The following ABCB5 variants were observed in gnomAD, a reference collection of about 807,000 sequenced individuals.
ABCB5 encodes the protein ATP binding cassette subfamily B member 5, also known as ATP-binding cassette sub-family B member 5.
ABCB5 carries 155 observed loss-of-function variants against 144.2 expected under a neutral mutation model. The observed-to-expected ratio is 1.08, with a 90% CI of 0.94 to 1.23. The LOEUF (loss-of-function observed/expected upper bound fraction) is 1.23. Ranked by LOEUF, ABCB5 falls within the 50% of genes most tolerant of loss-of-function variation. The pLI is 0.00. For synonymous variants in ABCB5, 610 were observed against 528.6 expected (o/e 1.15, Z -2.11); for missense variants, 1,830 against 1,520.8 (o/e 1.20, Z -3.38).
intron 16 of ABCB5, among the ~76,000 whole-genome samples, chr7:20,688,991 T>C (rs1583427298): frequency 6.6e-6 from 1 of 151,562 alleles, no homozygotes; most frequent in African/African-American, 2.4e-5. Context: ...GGGGGAGGGA[T>C]AGCATTAGGA....
chr7:20,668,787 C>A (rs1246117590), intron 14 of ABCB5, among the ~76,000 whole-genome samples: 4,239 of 128,078 alleles, frequency 0.033, 3 homozygotes, highest in Non-Finnish European at 0.048. Context: ...TCTGCCCGGC[C>A]GCCCCTACTG....
At chr7:20,621,736 T>C (rs1054140818) in intron 1 of ABCB5, among the ~76,000 whole-genome samples, 3 of 151,970 alleles carry the variant, frequency 2.0e-5, no homozygotes, top group African/African-American at 7.2e-5. Context: ...GAGAAGGAGG[T>C]GATTTTTAGG....
chr7:20,720,943 C>CAAAAAAAA (rs71020677), intron 20 of ABCB5, among the ~76,000 whole-genome samples: 9 of 71,042 alleles, frequency 1.3e-4, no homozygotes, highest in South Asian at 8.2e-4. Flanking sequence ...AACTCTGCCT[C>CAAAAAAAA]AAAAAAAAAA....
intron 1 of ABCB5, among the ~76,000 whole-genome samples, chr7:20,616,215 T>C (rs530128099): frequency 2.7e-4 from 41 of 152,268 alleles, no homozygotes; most frequent in African/African-American, 8.9e-4. Context: ...TTTTTATTTT[T>C]AGTAGAGATG....
At chr7:20,739,229 G>C in intron 24 of ABCB5, 90 bp downstream of exon 24, 2 of 1,363,816 alleles carry the variant, frequency 1.5e-6, no homozygotes, top group Non-Finnish European at 1.9e-6. Flanking sequence ...AGAGGGGCAA[G>C]GGCTGAAAAA....
intron 23 of ABCB5, among the ~76,000 whole-genome samples, chr7:20,736,207 T>C (rs1472461855): frequency 1.3e-5 from 2 of 152,080 alleles, no homozygotes; most frequent in Non-Finnish European, 2.9e-5. Context: ...TTTTTTTTTC[T>C]TTTTTGTTGT....
At chr7:20,666,635 A>C in intron 14 of ABCB5, 1 of 1,252,174 alleles carries the variant, frequency 8.0e-7, no homozygotes, top group Non-Finnish European at 1.1e-6. Context: ...AGTGTCAAGT[A>C]GAGACCTGTC....
intron 15 of ABCB5, among the ~76,000 whole-genome samples, chr7:20,685,136 G>A (rs947424048): frequency 6.6e-6 from 1 of 152,114 alleles, no homozygotes; most frequent in African/African-American, 2.4e-5. Context: ...CAGGGGTGAC[G>A]ACTGCACCTG....
chr7:20,618,931 T>A lies in ABCB5; in HGVS notation c.-22+3094T>A, dbSNP rs1297367580. 4.0e-5 allele frequency among the ~76,000 whole-genome samples: 6 copies of A among 151,844 alleles called. No homozygotes were observed. The East Asian group carries it at 1.2e-3, about 29-fold the overall frequency. On this transcript the variant is annotated intron_variant, in intron 1 of 27. Coordinates refer to ENST00000404938, the MANE Select transcript of ABCB5 (RefSeq NM_001163941.2). ...CTGAGACTACAGGCATGTACCACCATGGCAGGCTAATTTTTGTACCTTTAG... is the reference window on the plus strand; with the variant it reads ...CTGAGACTACAGGCATGTACCACCAAGGCAGGCTAATTTTTGTACCTTTAG...
intron 16 of ABCB5, among the ~76,000 whole-genome samples, chr7:20,692,279 A>G (rs1420859400): frequency 1.3e-5 from 2 of 152,076 alleles, no homozygotes; most frequent in Non-Finnish European, 2.9e-5. Flanking sequence ...AAAGACAAGA[A>G]AGCTACAAAC....
chr7:20,749,619 T>A (rs569371092), intron 26 of ABCB5, among the ~76,000 whole-genome samples: 6 of 152,136 alleles, frequency 3.9e-5, no homozygotes, highest in African/African-American at 1.4e-4. Context: ...TTAGGGAAGA[T>A]AGGACAAATA....
chr7:20,753,021 T>C (rs1782979510), intron 26 of ABCB5, among the ~76,000 whole-genome samples: 2 of 152,222 alleles, frequency 1.3e-5, no homozygotes, highest in South Asian at 4.1e-4. Flanking sequence ...CTGAAAATAG[T>C]AGGTAGTATA....
chr7:20,713,045 T>C lies in ABCB5; in HGVS notation c.2421+8238T>C. Reference sequence around the variant, plus strand: ...TGTGTGTCCTTTTACCAACATCTTCTCAACCCCCTGAATCCCCATCTCCTA... The same window carrying C: ...TGTGTGTCCTTTTACCAACATCTTCCCAACCCCCTGAATCCCCATCTCCTA... On this transcript the variant is annotated intron_variant, in intron 20 of 27. Coordinates refer to ENST00000404938, the MANE Select transcript of ABCB5 (RefSeq NM_001163941.2). Among the ~76,000 whole-genome samples, 2 of 149,540 alleles carry C rather than the reference T, an allele frequency of 1.3e-5. 1 individual carries two copies. The highest frequency in any genetic ancestry group is 3.0e-5 in the Non-Finnish European group (2 of 67,262).
chr7:20,651,543 C>A lies in ABCB5; in HGVS notation c.1456C>A (p.Arg486=), dbSNP rs773139161. ...CATCAGTAACAATATCAAGTATGGACGAGATGATGTGACTGATGAAGAGAT... is the reference window on the plus strand; with the variant it reads ...CATCAGTAACAATATCAAGTATGGAAGAGATGATGTGACTGATGAAGAGAT... ...TTISNNIKYG[R]DDVTDEEMER... Residue 486 remains arginine (R), a synonymous_variant, in exon 13 of 28, where the codon CGA becomes AGA. Transcript: ENST00000404938. 2 of 1,613,922 alleles carry A rather than the reference C, an allele frequency of 1.2e-6. No individual in the cohort carries two copies. Among genetic ancestry groups the A allele is most frequent in the East Asian group, 2.2e-5 (1 of 44,884 alleles).
At chr7:20,659,394 G>A (rs531432010) in intron 14 of ABCB5, 46 of 1,185,358 alleles carry the variant, frequency 3.9e-5, no homozygotes, top group Non-Finnish European at 4.3e-5. Flanking sequence ...TGAGTTAAGC[G>A]TTTTTTTTTC....
intron 22 of ABCB5, 59 bp downstream of exon 22, chr7:20,727,199 C>G (rs141588421): frequency 6.6e-6 from 8 of 1,211,058 alleles, no homozygotes; most frequent in African/African-American, 1.5e-5. Flanking sequence ...AGGCAGTACT[C>G]TCAAATGACT....
At chr7:20,623,242 C>A in intron 1 of ABCB5, 23 bp from the exon 2 acceptor site, 1 of 1,328,878 alleles carries the variant, frequency 7.5e-7, no homozygotes, top group Non-Finnish European at 1.1e-6. Flanking sequence ...AGCCATAATA[C>A]ATTTGTTAAA....
Position 20,626,623 on chromosome 7 carries a change from C to A in ABCB5, c.108+12C>A. ...GATCTATTGAGATAGTAAGTGAAAT[C>A]AGTTAGAAAGTACATGCATTAGAAG... On this transcript the variant is annotated intron_variant, in intron 3 of 27. Coordinates refer to ENST00000404938, the MANE Select transcript of ABCB5 (RefSeq NM_001163941.2). 6.3e-7 allele frequency: 1 copy of A among 1,597,130 alleles called. No homozygotes were observed. The highest frequency in any genetic ancestry group is 1.7e-5 in the Admixed American group (1 of 57,244).
intron 2 of ABCB5, 107 bp downstream of exon 2, chr7:20,623,445 A>G: frequency 2.2e-6 from 2 of 904,118 alleles, no homozygotes; most frequent in South Asian, 1.6e-5. Context: ...AAAAATAGCA[A>G]CACTATTTGC....
Sources: allele counts gnomAD v4.1 joint callset (sites outside exome capture counted in the v4.1 genomes callset), GRCh38; gene constraint gnomAD v4.1.1; transcripts MANE v1.5; gene names NCBI Gene and HGNC (gene_info 2026-07-23, HGNC 2026-07-21).